UTRN: variants seen among roughly 807,000 people sequenced by gnomAD.
UTRN encodes dystrophin-related protein 1.
Under a neutral mutation model 463.9 loss-of-function variants are expected in UTRN, and 283 were observed. The observed-to-expected ratio is 0.61, with a 90% CI of 0.55 to 0.67. The LOEUF (loss-of-function observed/expected upper bound fraction) is 0.67. Ranked by LOEUF, UTRN falls within the 30% of genes least tolerant of loss-of-function variation. The pLI is 0.00. For synonymous variants in UTRN, 1,442 were observed against 1,431.5 expected, an observed-to-expected ratio of 1.01 and a Z score of -0.17; for missense variants, 3,922 against 4,084.3, an observed-to-expected ratio of 0.96 and a Z score of 1.08.
intron 73 of UTRN, among the ~76,000 whole-genome samples, chr6:144,845,333 T>C (rs1781925008): frequency 6.6e-6 from 1 of 152,230 alleles, no homozygotes; most frequent in Admixed American, 6.5e-5. Flanking sequence ...TTCAAATGTA[T>C]GAAATACTGG....
intron 54 of UTRN, among the ~76,000 whole-genome samples, chr6:144,746,040 G>A (rs1790705126): frequency 6.7e-6 from 1 of 148,888 alleles, no homozygotes; most frequent in East Asian, 2.0e-4. Flanking sequence ...TGCTCTTGTT[G>A]CCCAGCCTGG....
rs1785496763 is a variant in UTRN at position 144,709,929 on chromosome 6, A to G, written c.7809+9686A>G. 2.0e-5 allele frequency among the ~76,000 whole-genome samples: 3 copies of G among 152,344 alleles called. No homozygotes were observed. The South Asian group carries it at 6.2e-4, about 32-fold the overall frequency. ...CTTTTCAAAGTTACTCTTTGATAAT[A>G]GTGGTGCCAATCATTTCATTCCCCA... On this transcript the variant is annotated intron_variant, in intron 53 of 74. Transcript: ENST00000367545.
At position 144,487,659 on chromosome 6, in the gene UTRN, G is replaced by C. The variant is rs1300519751; in HGVS notation, c.3934G>C (p.Glu1312Gln). The C allele has an allele frequency of 6.2e-7, 1 of 1,612,726 alleles. No homozygotes were observed. The highest frequency in any genetic ancestry group is 1.7e-5 in the Admixed American group (1 of 59,896). The part of the protein sequence containing the change: ...ILDDIISEKL[E>Q]AFNSRYEDLS... ...GGATGATATAATCAGTGAGAAACTG[G>C]AGGCTTTCAACAGCCGATATGAAGA... The change falls in exon 29 of 75, where the codon GAG (glutamate) becomes CAG (glutamine). Residue 1312 changes from glutamate to glutamine, a missense_variant. Around this residue, in one of 3 missense-constraint regions of UTRN, gnomAD observed 2,349 missense variants for 2,303.8 expected, o/e 1.02. Coordinates refer to ENST00000367545, the MANE Select transcript of UTRN (RefSeq NM_007124.3).
chr6:144,626,049 C>T (rs1027383794), intron 51 of UTRN, among the ~76,000 whole-genome samples: 1 of 152,092 alleles, frequency 6.6e-6, no homozygotes, highest in African/African-American at 2.4e-5. Context: ...CTGACAGTGA[C>T]CAGTAGTTTA....
chr6:144,419,997 C>CAA (rs763778406), intron 3 of UTRN, among the ~76,000 whole-genome samples: 8 of 150,036 alleles, frequency 5.3e-5, no homozygotes, highest in Non-Finnish European at 1.0e-4. Flanking sequence ...CACACACACA[C>CAA]AATAAAAACA....
At chr6:144,344,211 A>T in intron 2 of UTRN, 1 of 1,303,956 alleles carries the variant, frequency 7.7e-7, no homozygotes, top group Non-Finnish European at 1.0e-6. Flanking sequence ...GATGTAGGTG[A>T]TGAGCGGCCT....
At position 144,577,159 on chromosome 6, in the gene UTRN, A is replaced by G. The variant is rs371062531; in HGVS notation, c.7350A>G (p.Arg2450=). 6.2e-7 allele frequency: 1 copy of G among 1,613,982 alleles called. No individual in the cohort carries two copies. The highest frequency in any genetic ancestry group is 8.5e-7 in the Non-Finnish European group (1 of 1,179,926). ...AEWRTVQASR[R]DLENFLKWIQ... is the part of the protein sequence containing the mutation. ...GGAGGACGGTGCAGGCCTCTCGCAG[A>G]GATCTGGAAAACTTCCTGAAGTGGA... The change falls in exon 51 of 75, where the codon AGA becomes AGG. Residue 2450 remains arginine (R), a synonymous_variant. Transcript: ENST00000367545.
intron 2 of UTRN, among the ~76,000 whole-genome samples, chr6:144,309,186 T>G (rs191351670): frequency 1.9e-4 from 29 of 152,304 alleles, no homozygotes; most frequent in African/African-American, 6.7e-4. Flanking sequence ...TGATTCTTCC[T>G]CTTAACGTTG....
chr6:144,433,389 G>C (rs113420772), intron 9 of UTRN, among the ~76,000 whole-genome samples: 1 of 151,910 alleles, frequency 6.6e-6, no homozygotes, highest in South Asian at 2.1e-4. Flanking sequence ...TCCCGGACGG[G>C]GTGGCTGCCG....
intron 51 of UTRN, among the ~76,000 whole-genome samples, chr6:144,581,292 A>G (rs1034471124): frequency 7.9e-5 from 12 of 152,212 alleles, no homozygotes. Context: ...GTGCATGTTC[A>G]TATTCTAAAA....
chr6:144,558,969 C>G lies in UTRN; in HGVS notation c.7289+1658C>G, dbSNP rs1799624273. ...TAACATAAAAAAAAGAGATATAGTCCTTAAATATGCTCTGTCTTTGTGTTT... is the reference window on the plus strand; with the variant it reads ...TAACATAAAAAAAAGAGATATAGTCGTTAAATATGCTCTGTCTTTGTGTTT... On this transcript the variant is annotated intron_variant, in intron 50 of 74. Transcript: ENST00000367545. Among the ~76,000 whole-genome samples the G allele has an allele frequency of 2.6e-5, 4 of 152,064 alleles. No individual in the cohort carries two copies. The South Asian group carries it at 8.3e-4, about 31-fold the overall frequency.
chr6:144,306,701 G>A (rs529756144), intron 2 of UTRN, among the ~76,000 whole-genome samples: 1 of 152,088 alleles, frequency 6.6e-6, no homozygotes, highest in African/African-American at 2.4e-5. Context: ...CTTGAAAACT[G>A]GCAGCTGGAG....
chr6:144,572,521 A>G (rs914871290), intron 50 of UTRN, among the ~76,000 whole-genome samples: 67 of 152,024 alleles, frequency 4.4e-4, no homozygotes, highest in African/African-American at 1.5e-3. Flanking sequence ...TGCATTAGGC[A>G]TTTGTCCTAA....
intron 10 of UTRN, 104 bp from the exon 11 acceptor site, chr6:144,437,461 T>C: frequency 3.4e-6 from 4 of 1,193,118 alleles, no homozygotes; most frequent in Non-Finnish European, 4.5e-6. Context: ...GGCTACCTTT[T>C]TCTGCATCAC....
intron 51 of UTRN, among the ~76,000 whole-genome samples, chr6:144,651,891 T>A (rs1778849465): frequency 6.6e-6 from 1 of 152,098 alleles, no homozygotes; most frequent in Admixed American, 6.5e-5. Context: ...TAGTGGGGAT[T>A]TCTGAAATTT....
At chr6:144,550,898 C>G in intron 47 of UTRN, 67 bp from the exon 48 acceptor site, 1 of 1,360,290 alleles carries the variant, frequency 7.4e-7, no homozygotes, top group Non-Finnish European at 9.9e-7. Flanking sequence ...GTCAGCACAA[C>G]TGTTTTGCTT....
chr6:144,680,694 G>C (rs567192555), intron 52 of UTRN, among the ~76,000 whole-genome samples: 1 of 152,276 alleles, frequency 6.6e-6, no homozygotes, highest in South Asian at 2.1e-4. Context: ...TCTCACTTCA[G>C]ATGATCAAAG....
chr6:144,342,158 A>G (rs1467541064), intron 2 of UTRN, among the ~76,000 whole-genome samples: 1 of 152,236 alleles, frequency 6.6e-6, no homozygotes, highest in Non-Finnish European at 1.5e-5. Flanking sequence ...ACCCAGCAGG[A>G]TGGCAATAAT....
At chr6:144,291,625 T>A in intron 1 of UTRN, 112 bp from the exon 2 acceptor site, 1 of 393,978 alleles carries the variant, frequency 2.5e-6, no homozygotes, top group South Asian at 5.4e-5. Flanking sequence ...CTTGGTGCTT[T>A]ACACGTGGTA....
Sources: allele counts gnomAD v4.1 joint callset (sites outside exome capture counted in the v4.1 genomes callset), GRCh38; gene constraint gnomAD v4.1.1; regional missense constraint gnomAD v4.1.1; transcripts MANE v1.5; gene names NCBI Gene and HGNC (gene_info 2026-07-23, HGNC 2026-07-21).